Variants in ANO2 observed in about 807,000 individuals in gnomAD.
ANO2 encodes the protein anoctamin 2.
In ANO2, 101 loss-of-function variants were observed where a neutral mutation model predicts 124.2. That is an observed-to-expected ratio of 0.81 (90% confidence interval 0.69 to 0.96). The LOEUF is 0.96. ANO2 is among the 40% of genes least tolerant of loss of function. ANO2 has a pLI of 0.00. For synonymous variants in ANO2, 486 were observed against 482.5 expected (o/e 1.01, Z -0.09); for missense variants, 1,293 against 1,274.5 (o/e 1.01, Z -0.22).
At chr12:5,813,290 T>C (rs1467114118) in intron 7 of ANO2, among the ~76,000 whole-genome samples, 1 of 152,194 alleles carries the variant, frequency 6.6e-6, no homozygotes, top group African/African-American at 2.4e-5. Context: ...TACTTTGCAA[T>C]ACACTTCATA....
At chr12:5,596,367 G>C (rs1943660908) in intron 20 of ANO2, among the ~76,000 whole-genome samples, 1 of 152,270 alleles carries the variant, frequency 6.6e-6, no homozygotes, top group Non-Finnish European at 1.5e-5. Flanking sequence ...ATGTGAGTAT[G>C]ATCAAAATTT....
intron 14 of ANO2, among the ~76,000 whole-genome samples, chr12:5,680,053 G>A (rs10849321): frequency 0.5 from 76,428 of 152,032 alleles, 21,189 homozygotes; most frequent in Middle Eastern, 0.63. Context: ...ACCAAACACC[G>A]CATGTTCTCA....
chr12:5,596,066 T>G (rs1204423846), intron 20 of ANO2, among the ~76,000 whole-genome samples: 1 of 152,200 alleles, frequency 6.6e-6, no homozygotes, highest in Non-Finnish European at 1.5e-5. Context: ...TGAATCTATC[T>G]GGGTGAAATA....
intron 6 of ANO2, among the ~76,000 whole-genome samples, chr12:5,828,143 A>G (rs1337356874): frequency 2.6e-5 from 4 of 152,186 alleles, no homozygotes; most frequent in Non-Finnish European, 1.5e-5. Flanking sequence ...CAGACCACAT[A>G]GCCTCGGGAG....
At chr12:5,913,808 C>T (rs757583957) in intron 3 of ANO2, among the ~76,000 whole-genome samples, 45 of 152,172 alleles carry the variant, frequency 3.0e-4, no homozygotes, top group Non-Finnish European at 4.6e-4. Flanking sequence ...CAGAAAAGTC[C>T]GTTTTCTTCC....
rs147752105 is a variant in ANO2, at chr12:5,810,693, G to T, written c.893-3325C>A. Reference sequence around the variant, plus strand: ...TCTCAGCTCAAAGTATAGCCCCTGAGGAGCCCCTTACTGATCCTCGAAGTC... The same window carrying T: ...TCTCAGCTCAAAGTATAGCCCCTGATGAGCCCCTTACTGATCCTCGAAGTC... On this transcript the variant is annotated intron_variant, in intron 7 of 24. Coordinates refer to ENST00000682330, the MANE Select transcript of ANO2 (RefSeq NM_001364791.2). Among the ~76,000 whole-genome samples, 739 of 152,294 alleles carry T rather than the reference G, an allele frequency of 4.9e-3. 3 individuals carry two copies. The highest frequency in any genetic ancestry group is 0.017 in the African/African-American group (699 of 41,576).
At chr12:5,667,920 A>G (rs1262934277) in intron 14 of ANO2, among the ~76,000 whole-genome samples, 1 of 152,340 alleles carries the variant, frequency 6.6e-6, no homozygotes, top group East Asian at 1.9e-4. Flanking sequence ...TCCATGGTAT[A>G]TATGTACCAC....
At chr12:5,773,341 AG>A in intron 10 of ANO2, among the ~76,000 whole-genome samples, 1 of 152,328 alleles carries the variant, frequency 6.6e-6, no homozygotes, top group South Asian at 2.1e-4. Context: ...AAAAGGGGTC[AG>A]GGGAGTTAGA....
intron 3 of ANO2, among the ~76,000 whole-genome samples, chr12:5,879,689 T>C (rs1565744340): frequency 1.3e-5 from 2 of 152,022 alleles, no homozygotes; most frequent in East Asian, 1.9e-4. Flanking sequence ...GCATTTCAGA[T>C]GGAGAGAGGA....
At chr12:5,648,889 A>T (rs1946776499) in intron 14 of ANO2, among the ~76,000 whole-genome samples, 1 of 152,168 alleles carries the variant, frequency 6.6e-6, no homozygotes, top group Admixed American at 6.5e-5. Flanking sequence ...CCTCCTCACC[A>T]CTGATACTCA....
At chr12:5,824,063 C>T (rs1953886189) in intron 7 of ANO2, among the ~76,000 whole-genome samples, 1 of 152,158 alleles carries the variant, frequency 6.6e-6, no homozygotes, top group African/African-American at 2.4e-5. Flanking sequence ...ACCCTGGGCC[C>T]AGCCCATGAA....
chr12:5,924,361 A>G (rs1941976401), intron 1 of ANO2, among the ~76,000 whole-genome samples: 1 of 152,194 alleles, frequency 6.6e-6, no homozygotes, highest in Non-Finnish European at 1.5e-5. Context: ...ATTCCTTTCT[A>G]TACTGTGGGT....
intron 16 of ANO2, among the ~76,000 whole-genome samples, chr12:5,629,526 T>C (rs1403968842): frequency 2.0e-5 from 3 of 152,294 alleles, no homozygotes; most frequent in Middle Eastern, 3.4e-3. Flanking sequence ...CCTCCTGCCT[T>C]ATCCTCCTAC....
chr12:5,700,839 T>C (rs1949372684), intron 14 of ANO2, among the ~76,000 whole-genome samples: 1 of 152,178 alleles, frequency 6.6e-6, no homozygotes, highest in Non-Finnish European at 1.5e-5. Flanking sequence ...CTCACGTCTG[T>C]TTGATCCTTA....
intron 14 of ANO2, among the ~76,000 whole-genome samples, chr12:5,709,866 C>T (rs962401659): frequency 2.0e-5 from 3 of 152,092 alleles, no homozygotes; most frequent in African/African-American, 4.8e-5. Flanking sequence ...CAAGAGGAAA[C>T]GGATAGGCGC....
At chr12:5,823,655 AG>A (rs1399913833) in intron 7 of ANO2, among the ~76,000 whole-genome samples, 2 of 152,336 alleles carry the variant, frequency 1.3e-5, no homozygotes, top group African/African-American at 4.8e-5. Context: ...GCAAGCTGTC[AG>A]TGGATCTACT....
Position 5,873,196 on chromosome 12 carries a change from G to GCTCGCT in ANO2, c.535-19056_535-19055insAGCGAG, listed in dbSNP as rs1393522452. 5.9e-3 allele frequency among the ~76,000 whole-genome samples: 704 copies of GCTCGCT among 119,026 alleles called. 12 individuals are homozygous for GCTCGCT. Among genetic ancestry groups the GCTCGCT allele is most frequent in the Middle Eastern group, 0.012 (2 of 168 alleles). The allele number at this position is 119,026 out of a possible 152,430, so 78.1% of individuals were successfully genotyped here. On this transcript the variant is annotated intron_variant, in intron 3 of 24. Transcript: ENST00000682330. ...AACTTTGTTACTTTTGCCTAAAGCA[G>GCTCGCT]CTCTCTCTCTCTCTCTCTCTCTCTC...
intron 3 of ANO2, among the ~76,000 whole-genome samples, chr12:5,887,963 T>C (rs940691421): frequency 2.0e-5 from 3 of 152,114 alleles, no homozygotes; most frequent in Admixed American, 6.6e-5. Flanking sequence ...CTAAGTTACA[T>C]TGTTCCGGGA....
intron 10 of ANO2, among the ~76,000 whole-genome samples, chr12:5,753,369 T>G (rs549478621): frequency 6.6e-6 from 1 of 152,156 alleles, no homozygotes; most frequent in South Asian, 2.1e-4. Context: ...GCACTTAATA[T>G]AAGGTGAACA....
Sources: gnomAD v4.1 joint callset for allele counts (sites outside exome capture counted in the v4.1 genomes callset) on GRCh38, gnomAD v4.1.1 for gene constraint, MANE v1.5 for transcripts, NCBI Gene and HGNC (gene_info 2026-07-23, HGNC 2026-07-21) for gene names.